The following PPP2R2B variants were observed in gnomAD, a reference collection of about 807,000 sequenced individuals.
The protein encoded by PPP2R2B is serine/threonine-protein phosphatase 2A 55 kDa regulatory subunit B beta isoform.
PPP2R2B carries 5 observed loss-of-function variants against 46.0 expected under a neutral mutation model. The observed-to-expected ratio is 0.11, with a 90% confidence interval of 0.06 to 0.23. The LOEUF is 0.23. Among genes scored for constraint, PPP2R2B ranks in the 10% least tolerant of loss-of-function variants. The pLI is 1.00. For missense variants in PPP2R2B, 367 were observed against 575.0 expected (o/e 0.64, Z 3.70); for synonymous variants, 215 against 206.7 (o/e 1.04, Z -0.34).
intron 3 of PPP2R2B, among the ~76,000 whole-genome samples, 173 bp from the exon 4 acceptor site, chr5:146,698,317 A>AAAAATAT (rs1250416449): frequency 1.3e-4 from 11 of 85,646 alleles, no homozygotes; most frequent in Non-Finnish European, 1.8e-4. Flanking sequence ...AAAAAAAAAA[A>AAAAATAT]ATATATATAT....
At chr5:146,807,435 C>A (rs758409057) in intron 2 of PPP2R2B, among the ~76,000 whole-genome samples, 36 of 152,202 alleles carry the variant, frequency 2.4e-4, no homozygotes, top group Non-Finnish European at 4.9e-4. Context: ...AGCTCACCAA[C>A]ACTGCTATCC....
intron 2 of PPP2R2B, among the ~76,000 whole-genome samples, chr5:146,785,811 A>G (rs1327832750): frequency 6.6e-6 from 1 of 152,178 alleles, no homozygotes; most frequent in East Asian, 1.9e-4. Context: ...TCACTGATAC[A>G]TGGGAGCTAA....
intron 1 of PPP2R2B, among the ~76,000 whole-genome samples, chr5:147,032,439 G>C (rs1755829265): frequency 6.6e-6 from 1 of 152,086 alleles, no homozygotes; most frequent in Non-Finnish European, 1.5e-5. Context: ...TGATTTGTGA[G>C]ATTTTGGTTC....
chr5:146,943,137 A>C (rs1764375447), intron 1 of PPP2R2B, among the ~76,000 whole-genome samples: 3 of 152,128 alleles, frequency 2.0e-5, no homozygotes, highest in African/African-American at 7.2e-5. Flanking sequence ...CACTTTGATA[A>C]ATTTCTAATT....
At chr5:146,974,212 C>G (rs1385736747) in intron 1 of PPP2R2B, among the ~76,000 whole-genome samples, 1 of 152,156 alleles carries the variant, frequency 6.6e-6, no homozygotes, top group Non-Finnish European at 1.5e-5. Context: ...GGACTCTGTT[C>G]TACAGTAGGT....
At chr5:146,634,761 C>T (rs1330091896) in intron 7 of PPP2R2B, among the ~76,000 whole-genome samples, 1 of 140,300 alleles carries the variant, frequency 7.1e-6, no homozygotes, top group Non-Finnish European at 1.5e-5. Flanking sequence ...AATCTCTTAA[C>T]TTACACACAC....
intron 2 of PPP2R2B, among the ~76,000 whole-genome samples, chr5:146,775,548 G>T (rs909715035): frequency 6.6e-6 from 1 of 151,992 alleles, no homozygotes; most frequent in African/African-American, 2.4e-5. Context: ...AAAGATGTCT[G>T]CTTTTATCAC....
chr5:146,717,052 T>C (rs1035706940), intron 2 of PPP2R2B, among the ~76,000 whole-genome samples: 2 of 152,236 alleles, frequency 1.3e-5, no homozygotes, highest in Non-Finnish European at 2.9e-5. Flanking sequence ...GACAACTGAC[T>C]TTGGGTTTAT....
intron 2 of PPP2R2B, chr5:146,706,323 G>C: frequency 1.8e-6 from 1 of 559,608 alleles, no homozygotes; most frequent in Admixed American, 2.1e-5. Flanking sequence ...GCGCCAGAGC[G>C]AGAGCTGGAG....
chr5:146,766,110 C>T (rs1488328066), intron 2 of PPP2R2B, among the ~76,000 whole-genome samples: 3 of 152,060 alleles, frequency 2.0e-5, no homozygotes, highest in African/African-American at 7.2e-5. Context: ...CTTGAAAAGC[C>T]CTCATTATAC....
chr5:146,673,401 A>T (rs976506132), intron 5 of PPP2R2B, among the ~76,000 whole-genome samples: 2 of 152,194 alleles, frequency 1.3e-5, no homozygotes, highest in Non-Finnish European at 2.9e-5. Flanking sequence ...TTTTTCCCTT[A>T]GTGGTCAAGA....
intron 9 of PPP2R2B, among the ~76,000 whole-genome samples, chr5:146,591,077 A>T (rs1561747690): frequency 6.6e-6 from 1 of 151,998 alleles, no homozygotes; most frequent in Non-Finnish European, 1.5e-5. Flanking sequence ...TGACAAGCTG[A>T]GGTGGGGAGG....
At chr5:146,814,757 C>A (rs1235991862) in intron 2 of PPP2R2B, among the ~76,000 whole-genome samples, 1 of 152,220 alleles carries the variant, frequency 6.6e-6, no homozygotes, top group Non-Finnish European at 1.5e-5. Context: ...AGACAGCCCA[C>A]CCCAAGGGAA....
intron 5 of PPP2R2B, among the ~76,000 whole-genome samples, chr5:146,664,303 A>C (rs1041002181): frequency 1.3e-5 from 2 of 152,182 alleles, no homozygotes; most frequent in African/African-American, 4.8e-5. Flanking sequence ...TTGCTGCTTT[A>C]TTAACTTTAT....
chr5:147,015,344 A>G (rs1754954168), intron 1 of PPP2R2B, among the ~76,000 whole-genome samples: 2 of 151,666 alleles, frequency 1.3e-5, no homozygotes, highest in Admixed American at 1.3e-4. Flanking sequence ...AACCTCCTAC[A>G]TGAACCTTCT....
intron 2 of PPP2R2B, among the ~76,000 whole-genome samples, chr5:146,811,754 A>G (rs1757564339): frequency 7.1e-6 from 1 of 140,740 alleles, no homozygotes; most frequent in Non-Finnish European, 1.5e-5. Context: ...TTTTCAGTAG[A>G]GACGGGGTTT....
intron 7 of PPP2R2B, among the ~76,000 whole-genome samples, chr5:146,605,395 T>G (rs1772167302): frequency 6.6e-6 from 1 of 152,188 alleles, no homozygotes; most frequent in South Asian, 2.1e-4. Context: ...GCTTTTCCAT[T>G]TCCCTTTCCT....
intron 2 of PPP2R2B, among the ~76,000 whole-genome samples, chr5:146,734,505 G>A (rs1020835089): frequency 4.5e-4 from 68 of 152,112 alleles, no homozygotes; most frequent in African/African-American, 1.5e-3. Flanking sequence ...AACTCAATAG[G>A]TTCAAGAACT....
intron 2 of PPP2R2B, among the ~76,000 whole-genome samples, chr5:146,832,346 G>A (rs1758993718): frequency 1.4e-5 from 2 of 143,224 alleles, no homozygotes; most frequent in Admixed American, 7.0e-5. Context: ...TTCATGGTAA[G>A]TGCCCTACAC....
Sources: gnomAD v4.1 joint callset for allele counts (sites outside exome capture counted in the v4.1 genomes callset) on GRCh38, gnomAD v4.1.1 for gene constraint, MANE v1.5 for transcripts, NCBI Gene and HGNC (gene_info 2026-07-23, HGNC 2026-07-21) for gene names.